RANBP2: variants seen among roughly 807,000 people sequenced by gnomAD.
RANBP2 encodes the protein E3 SUMO-protein ligase RanBP2.
Under a neutral mutation model 303.6 loss-of-function variants are expected in RANBP2, and 57 were observed. The ratio of observed to expected loss-of-function variants is 0.19; its 90% CI spans 0.15 to 0.23. RANBP2 has a LOEUF of 0.23. Among genes scored for constraint, RANBP2 ranks in the 10% least tolerant of loss-of-function variants. RANBP2 has a pLI of 1.00. For synonymous variants in RANBP2, 1,167 were observed against 1,301.5 expected, an observed-to-expected ratio of 0.90 and a Z score of 2.23; for missense variants, 3,138 against 3,780.8, an observed-to-expected ratio of 0.83 and a Z score of 4.46.
At chr2:108,852,894 A>C in the RANBP2 span, among the ~76,000 whole-genome samples, 1 of 152,194 alleles carries the variant, frequency 6.6e-6, no homozygotes, top group African/African-American at 2.4e-5. Flanking sequence ...CTGAACTAAA[A>C]TAAAATAAAA....
the RANBP2 span, among the ~76,000 whole-genome samples, chr2:109,579,028 A>C: frequency 6.6e-6 from 1 of 152,172 alleles, no homozygotes; most frequent in Non-Finnish European, 1.5e-5. Flanking sequence ...AATTGACAAC[A>C]CTTTGTCAAG....
chr2:109,569,479 T>C, the RANBP2 span, among the ~76,000 whole-genome samples: 2 of 151,542 alleles, frequency 1.3e-5, no homozygotes, highest in African/African-American at 4.8e-5. Flanking sequence ...ATTCCTATTC[T>C]AAATTTTTTT....
chr2:109,403,218 C>T, the RANBP2 span, among the ~76,000 whole-genome samples: 5 of 152,342 alleles, frequency 3.3e-5, no homozygotes, highest in East Asian at 3.9e-4. Flanking sequence ...GCCTGAGAGC[C>T]GCGCACTGTC....
chr2:108,751,174 T>C (rs1448047261), intron 9 of RANBP2, 90 bp from the exon 10 acceptor site: 6 of 1,543,978 alleles, frequency 3.9e-6, no homozygotes, highest in East Asian at 2.4e-5. Flanking sequence ...ATAATTAAGA[T>C]ATATATAATG....
At chr2:109,317,299 C>T in the RANBP2 span, among the ~76,000 whole-genome samples, 3 of 152,138 alleles carry the variant, frequency 2.0e-5, no homozygotes, top group African/African-American at 7.2e-5. Flanking sequence ...GGTGACAGGG[C>T]GACAGCAATG....
the RANBP2 span, among the ~76,000 whole-genome samples, chr2:109,482,893 A>G: frequency 6.6e-6 from 1 of 152,308 alleles, no homozygotes; most frequent in Non-Finnish European, 1.5e-5. Flanking sequence ...TGCTATTTTC[A>G]TGAACCAATT....
chr2:109,165,520 C>G, the RANBP2 span, among the ~76,000 whole-genome samples: 1 of 152,196 alleles, frequency 6.6e-6, no homozygotes, highest in African/African-American at 2.4e-5. Context: ...GTAGTTGGGA[C>G]CCAGCTACAC....
the RANBP2 span, among the ~76,000 whole-genome samples, chr2:109,355,736 C>A: frequency 6.6e-6 from 1 of 152,186 alleles, no homozygotes; most frequent in Non-Finnish European, 1.5e-5. Flanking sequence ...TGTGAAGCAG[C>A]AACTTAACAC....
the RANBP2 span, among the ~76,000 whole-genome samples, chr2:108,835,080 T>C: frequency 6.6e-6 from 1 of 152,228 alleles, no homozygotes; most frequent in Admixed American, 6.5e-5. Context: ...AGAAAACATA[T>C]CTGCTGCAAA....
the RANBP2 span, among the ~76,000 whole-genome samples, chr2:108,808,619 A>G: frequency 5.5e-3 from 840 of 152,250 alleles, 7 homozygotes; most frequent in African/African-American, 0.019. Context: ...AGTGATATTG[A>G]GCATTTTTTC....
the RANBP2 span, among the ~76,000 whole-genome samples, chr2:109,179,001 TAATGTGTGTGTG>T: frequency 0.02 from 1,295 of 65,394 alleles, 12 homozygotes; most frequent in African/African-American, 0.073. Context: ...TAAAGTATAA[TAATGTGTGTGTG>T]TGTGTGTGTG....
At chr2:109,035,768 T>C in the RANBP2 span, among the ~76,000 whole-genome samples, 1 of 152,230 alleles carries the variant, frequency 6.6e-6, no homozygotes, top group Non-Finnish European at 1.5e-5. Context: ...GCACTCGAGC[T>C]GGGAGCTAAT....
At chr2:109,078,492 C>T in the RANBP2 span, among the ~76,000 whole-genome samples, 1 of 148,252 alleles carries the variant, frequency 6.7e-6, no homozygotes, top group African/African-American at 2.4e-5. Flanking sequence ...TAATGGTTAC[C>T]AGGGACAGGG....
the RANBP2 span, among the ~76,000 whole-genome samples, chr2:109,361,862 A>G: frequency 6.6e-6 from 1 of 152,242 alleles, no homozygotes; most frequent in Non-Finnish European, 1.5e-5. Flanking sequence ...ATTTGTGGAC[A>G]TAGCATTATT....
chr2:109,033,381 G>A, the RANBP2 span, among the ~76,000 whole-genome samples: 1 of 152,112 alleles, frequency 6.6e-6, no homozygotes, highest in Non-Finnish European at 1.5e-5. Context: ...AAACACCCAG[G>A]TTCTGTCTAG....
the RANBP2 span, among the ~76,000 whole-genome samples, chr2:109,463,077 T>C: frequency 6.6e-6 from 1 of 152,188 alleles, no homozygotes; most frequent in African/African-American, 2.4e-5. Flanking sequence ...ACCTGTAAAT[T>C]CAAGGGATTC....
chr2:108,828,970 T>A, the RANBP2 span, among the ~76,000 whole-genome samples: 1 of 151,890 alleles, frequency 6.6e-6, no homozygotes, highest in East Asian at 1.9e-4. Context: ...AGTGTGAGAC[T>A]CCCTCTCAAA....
At chr2:109,484,169 C>T in the RANBP2 span, among the ~76,000 whole-genome samples, 3 of 151,334 alleles carry the variant, frequency 2.0e-5, 1 homozygote, top group Admixed American at 2.0e-4. Flanking sequence ...TGGGTTCAAG[C>T]GATTCTCCTG....
the RANBP2 span, among the ~76,000 whole-genome samples, chr2:109,159,220 C>CGGGAAA: frequency 6.6e-6 from 1 of 152,246 alleles, no homozygotes; most frequent in African/African-American, 2.4e-5. Flanking sequence ...CTGCTTTGAG[C>CGGGAAA]TTCCCCTCCC....
Sources: gnomAD v4.1 joint callset for allele counts (sites outside exome capture counted in the v4.1 genomes callset) on GRCh38, gnomAD v4.1.1 for gene constraint, MANE v1.5 for transcripts, NCBI Gene and HGNC (gene_info 2026-07-23, HGNC 2026-07-21) for gene names.